Variants in TSC2 observed in about 807,000 individuals in gnomAD.
The protein encoded by TSC2 is TSC complex subunit 2, also known as tuberin.
In TSC2, 29 loss-of-function variants were observed where a neutral mutation model predicts 202.2. That is an observed-to-expected ratio of 0.14 (90% CI 0.11 to 0.20). The LOEUF is 0.20. TSC2 is among the 10% of genes least tolerant of loss of function. The probability of loss-of-function intolerance (pLI) is 1.00; values close to 1 mark genes in which losing one functional copy is unlikely to be tolerated. For missense variants in TSC2, 2,429 were observed against 2,420.0 expected, an observed-to-expected ratio of 1.00 and a Z score of -0.08; for synonymous variants, 1,349 against 1,044.0, an observed-to-expected ratio of 1.29 and a Z score of -5.63.
At chr16:2,067,791 A>T (rs918488329) in intron 16 of TSC2, among the ~76,000 whole-genome samples, 2 of 152,084 alleles carry the variant, frequency 1.3e-5, no homozygotes. Flanking sequence ...CAAAGCAAAA[A>T]CAGGCATCAC....
At chr16:2,050,874 A>G (rs993401146) in intron 3 of TSC2, among the ~76,000 whole-genome samples, 2 of 152,024 alleles carry the variant, frequency 1.3e-5, no homozygotes, top group African/African-American at 4.8e-5. Flanking sequence ...GGCGTGAGCC[A>G]CTGCGCCCAG....
At chr16:2,072,494 C>T (rs1337644748) in intron 20 of TSC2, 131 bp downstream of exon 20, 10 of 1,419,416 alleles carry the variant, frequency 7.0e-6, no homozygotes, top group Non-Finnish European at 8.6e-6. Flanking sequence ...CAGCTGCACT[C>T]TGGAGCGCAG....
intron 11 of TSC2, 112 bp from the exon 12 acceptor site, chr16:2,061,759 G>C (rs764051932): frequency 1.9e-6 from 3 of 1,572,138 alleles, no homozygotes; most frequent in Non-Finnish European, 2.6e-6. Flanking sequence ...GGCCCAGAGC[G>C]GCCTGAGAGG....
chr16:2,064,227 C>T (rs2151187656), intron 14 of TSC2, 45 bp from the exon 15 acceptor site: 2 of 1,613,544 alleles, frequency 1.2e-6, no homozygotes, highest in Non-Finnish European at 1.7e-6. Flanking sequence ...CGAGATGTGG[C>T]CCTCGTTGGG....
At position 2,079,335 on chromosome 16, in the gene TSC2, A is replaced by G. The variant is rs758690821; in HGVS notation, c.3191A>G (p.Asn1064Ser). 8 of 1,612,980 alleles carry G rather than the reference A, an allele frequency of 5.0e-6. No homozygotes were observed. In the South Asian group the frequency reaches 7.7e-5, roughly 15 times the overall value. Residue 1064 changes from asparagine to serine, a missense_variant, in exon 28 of 42, where the codon AAC (asparagine) becomes AGC (serine). Coordinates refer to ENST00000219476, the MANE Select transcript of TSC2 (RefSeq NM_000548.5). This position sits in a 1 kb window ranked among gnomAD's most constrained non-coding sequence, Gnocchi z 4.6. The stretch of plus-strand genomic sequence containing the variant: ...AGGACCAAAACCTGGCTGGTTGGGA[A>G]CAAGCTTGTCACTGTGACGACAAGC... Reference protein sequence around the residue: ...GGRTKTWLVGNKLVTVTTSVG... With the variant: ...GGRTKTWLVGSKLVTVTTSVG...
chr16:2,084,572 C>G lies in TSC2; in HGVS notation c.4350C>G (p.Pro1450=). 1 of 1,607,654 alleles carries G rather than the reference C, an allele frequency of 6.2e-7. No individual in the cohort carries two copies. Among genetic ancestry groups the G allele is most frequent in the Non-Finnish European group, 8.5e-7 (1 of 1,179,702 alleles). ...QPEGPLPSSS[P]RSPSGLRPRG... ...AGGGTCCCTTGCCTTCCAGCTCCCC[C>G]CGCTCGCCCAGTGGCCTCCGGCCCC... Residue 1450 remains proline (P), a synonymous_variant, in exon 34 of 42, where the codon CCC becomes CCG. Coordinates refer to ENST00000219476, the MANE Select transcript of TSC2 (RefSeq NM_000548.5).
In TSC2 at chr16:2,088,497, C is replaced by G. The variant is rs777006583; in HGVS notation, c.5311C>G (p.Pro1771Ala). 5.0e-6 allele frequency: 8 copies of G among 1,612,926 alleles called. No individual in the cohort carries two copies. Among genetic ancestry groups the G allele is most frequent in the East Asian group, 2.2e-5 (1 of 44,876 alleles). The change falls in exon 42 of 42, where the codon CCG (proline) becomes GCG (alanine). Residue 1771 changes from proline to alanine, a missense_variant. By Grantham distance (27) the Pro-to-Ala change is conservative (BLOSUM62 -1). Coordinates refer to ENST00000219476, the MANE Select transcript of TSC2 (RefSeq NM_000548.5). ...SNPSLPLVHPPSHSKAPAQTP... is the reference protein window; with the variant it reads ...SNPSLPLVHPASHSKAPAQTP... The stretch of plus-strand genomic sequence containing the variant: ...CCCCAGCCTACCTCTGGTGCACCCT[C>G]CGTCCCATAGCAAAGCCCCTGCACA...
chr16:2,086,262 C>T lies in TSC2; in HGVS notation c.4732C>T (p.Leu1578=), dbSNP rs917807471. The stretch of plus-strand genomic sequence containing the variant: ...CAGGTACACGGAGTTCCTGACGGGC[C>T]TGGGCCGGCTCATCGAGCTGAAGGA... ...SYRYTEFLTG[L]GRLIELKDCQ... is the part of the protein sequence containing the mutation. The change falls in exon 37 of 42, where the codon CTG becomes TTG. Residue 1578 remains leucine, a synonymous_variant. Transcript: ENST00000219476. The T allele has an allele frequency of 1.2e-6, 2 of 1,612,720 alleles. No homozygotes were observed. Among genetic ancestry groups the T allele is most frequent in the Non-Finnish European group, 1.7e-6 (2 of 1,179,984 alleles).
At chr16:2,078,059 C>T (rs1223743187) in intron 26 of TSC2, among the ~76,000 whole-genome samples, 2 of 152,204 alleles carry the variant, frequency 1.3e-5, no homozygotes, top group South Asian at 2.1e-4. Context: ...TTCGTATTCT[C>T]TAGAATGGAC....
At chr16:2,058,560 T>G (rs2086193847) in intron 9 of TSC2, among the ~76,000 whole-genome samples, 187 bp from the exon 10 acceptor site, 1 of 152,236 alleles carries the variant, frequency 6.6e-6, no homozygotes, top group Non-Finnish European at 1.5e-5. Flanking sequence ...CTGCCGCCTG[T>G]GCGCAGGAGT....
intron 32 of TSC2, chr16:2,083,279 T>G (rs755247141): frequency 4.4e-6 from 2 of 459,322 alleles, no homozygotes; most frequent in South Asian, 3.1e-5. Flanking sequence ...TTGGGAGCAG[T>G]CTGTTTGCAA....
Position 2,079,458 on chromosome 16 carries a change from G to A in TSC2, c.3284+30G>A. 6.2e-7 allele frequency: 1 copy of A among 1,612,464 alleles called. No homozygotes were observed. Among genetic ancestry groups the A allele is most frequent in the East Asian group, 2.2e-5 (1 of 44,870 alleles). On this transcript the variant is annotated intron_variant, in intron 28 of 41. Transcript: ENST00000219476. The surrounding 1 kb of genome is among the most constrained non-coding windows in gnomAD (Gnocchi z 4.6). Reference sequence around the variant, plus strand: ...CTGCACCTTCCTTTCCTCCGCGCCTGCCAGCCTCGACACCGGCTGTCCCGA... The same window carrying A: ...CTGCACCTTCCTTTCCTCCGCGCCTACCAGCCTCGACACCGGCTGTCCCGA...
chr16:2,064,795 A>T, intron 15 of TSC2: 1 of 360,198 alleles, frequency 2.8e-6, no homozygotes, highest in South Asian at 2.5e-5. Flanking sequence ...TCACTCGGGT[A>T]TAAAGGGCAT....
intron 39 of TSC2, 34 bp from the exon 40 acceptor site, chr16:2,088,014 C>A (rs368966717): frequency 1.2e-6 from 2 of 1,611,308 alleles, no homozygotes; most frequent in South Asian, 1.1e-5. Flanking sequence ...GCGCCAAGAG[C>A]CCTGGGCCTG....
chr16:2,076,422 G>T, intron 24 of TSC2, 69 bp from the exon 25 acceptor site: 20 of 1,602,596 alleles, frequency 1.2e-5, no homozygotes, highest in Non-Finnish European at 1.6e-5. Context: ...GGGGGCACCC[G>T]GCAGGCCTGG....
In TSC2 at chr16:2,089,175, C is replaced by T. The variant is rs1357548708; in HGVS notation, c.*565C>T. 1 of 172,866 alleles carries T rather than the reference C, an allele frequency of 5.8e-6. No homozygotes were observed. The highest frequency in any genetic ancestry group is 1.2e-5 in the Non-Finnish European group (1 of 80,384). 10.7% of individuals were successfully genotyped at this position (172,866 alleles called of 1,614,324 possible). ...GCTGCCATAACGCCACCACACCTAC[C>T]AAGCGCAGCAGGTGTTGGGGGAGGC... On this transcript the variant is annotated 3_prime_UTR_variant, in exon 42 of 42. Transcript: ENST00000219476.
intron 33 of TSC2, 149 bp from the exon 34 acceptor site, chr16:2,084,079 G>T: frequency 7.0e-7 from 1 of 1,435,900 alleles, no homozygotes; most frequent in South Asian, 1.3e-5. Context: ...GTGCTGCTGC[G>T]TCAACGGGCG....
rs1227923469 is a variant in TSC2, at chr16:2,070,506, G to A, written c.1767G>A (p.Met589Ile). 6.2e-7 allele frequency: 1 copy of A among 1,613,422 alleles called. No homozygotes were observed. Among genetic ancestry groups the A allele is most frequent in the Non-Finnish European group, 8.5e-7 (1 of 1,180,032 alleles). The change falls in exon 17 of 42, where the codon ATG becomes ATA. Residue 589 changes from methionine to isoleucine, a missense_variant. Transcript: ENST00000219476. ...PASHATRVYE[M>I]LVSHIQLHYK... The stretch of plus-strand genomic sequence containing the variant: ...GCCACGCCACGCGTGTGTATGAGAT[G>A]CTGGTCAGCCACATTCAGCTCCACT...
intron 30 of TSC2, 173 bp from the exon 31 acceptor site, chr16:2,081,422 G>T (rs112976855): frequency 4.8e-6 from 4 of 828,802 alleles, no homozygotes; most frequent in African/African-American, 3.4e-5. Flanking sequence ...GGCTGAGCGG[G>T]GCAGCAGGGT....
Sources: allele counts gnomAD v4.1 joint callset (sites outside exome capture counted in the v4.1 genomes callset), GRCh38; gene constraint gnomAD v4.1.1; non-coding constraint Gnocchi (gnomAD v3.1); transcripts MANE v1.5; gene names NCBI Gene and HGNC (gene_info 2026-07-23, HGNC 2026-07-21).